The following CACNG2 variants were observed in gnomAD, a reference collection of about 807,000 sequenced individuals.
CACNG2 encodes the protein calcium voltage-gated channel auxiliary subunit gamma 2.
In CACNG2, 3 loss-of-function variants were observed where a neutral mutation model predicts 25.9. The observed-to-expected ratio is 0.12, with a 90% CI of 0.05 to 0.30. The LOEUF is 0.30. Ranked by LOEUF, CACNG2 falls within the 10% of genes least tolerant of loss-of-function variation. The pLI is 1.00. For synonymous variants in CACNG2, 167 were observed against 173.3 expected (o/e 0.96, Z 0.29); for missense variants, 341 against 432.5 (o/e 0.79, Z 1.88).
intron 1 of CACNG2, among the ~76,000 whole-genome samples, chr22:36,702,042 G>A (rs951690021): frequency 6.6e-6 from 1 of 151,978 alleles, no homozygotes; most frequent in African/African-American, 2.4e-5. Flanking sequence ...TAAATCGGAT[G>A]GTAAATCCTA....
At chr22:36,585,634 T>C (rs1935489985) in intron 2 of CACNG2, among the ~76,000 whole-genome samples, 1 of 152,210 alleles carries the variant, frequency 6.6e-6, no homozygotes. Context: ...AGAGATTGCA[T>C]GGCCCACAAA....
intron 1 of CACNG2, among the ~76,000 whole-genome samples, chr22:36,663,985 A>T (rs1936837865): frequency 6.6e-6 from 1 of 152,176 alleles, no homozygotes; most frequent in African/African-American, 2.4e-5. Context: ...TAAGGAGCAC[A>T]ACCAATAATG....
chr22:36,653,038 C>T (rs145474758), intron 1 of CACNG2, among the ~76,000 whole-genome samples: 145 of 152,180 alleles, frequency 9.5e-4, no homozygotes, highest in Admixed American at 2.4e-3. Flanking sequence ...TTTTAAAATT[C>T]GAGCCAGGTG....
intron 1 of CACNG2, among the ~76,000 whole-genome samples, chr22:36,589,850 T>A (rs1935559527): frequency 6.6e-6 from 1 of 152,220 alleles, no homozygotes; most frequent in Non-Finnish European, 1.5e-5. Flanking sequence ...GGAAAAGTCT[T>A]CATACCAGCT....
At chr22:36,569,477 G>A (rs961409590) in intron 2 of CACNG2, among the ~76,000 whole-genome samples, 43 of 152,168 alleles carry the variant, frequency 2.8e-4, no homozygotes, top group African/African-American at 8.4e-4. Context: ...TGGCTAAGGC[G>A]GGTGCTCACT....
chr22:36,617,120 C>A (rs2267348), intron 1 of CACNG2, among the ~76,000 whole-genome samples: 1 of 152,090 alleles, frequency 6.6e-6, no homozygotes, highest in African/African-American at 2.4e-5. Context: ...AGACCTTGAA[C>A]ATGACTAGGA....
chr22:36,673,684 G>A (rs1162460116), intron 1 of CACNG2, among the ~76,000 whole-genome samples: 1 of 152,132 alleles, frequency 6.6e-6, no homozygotes, highest in Admixed American at 6.5e-5. Flanking sequence ...GAGAGCCAGA[G>A]CAGAGGACCG....
chr22:36,681,447 C>T (rs1031359041), intron 1 of CACNG2, among the ~76,000 whole-genome samples: 2 of 152,172 alleles, frequency 1.3e-5, no homozygotes, highest in African/African-American at 4.8e-5. Context: ...GCACCTGGCT[C>T]TTTAGCATAA....
intron 1 of CACNG2, among the ~76,000 whole-genome samples, chr22:36,693,549 G>T (rs1023414375): frequency 1.3e-5 from 2 of 152,134 alleles, no homozygotes; most frequent in South Asian, 4.1e-4. Context: ...GATCCTACCT[G>T]GCTTCCTACC....
intron 1 of CACNG2, among the ~76,000 whole-genome samples, chr22:36,634,377 T>C (rs921485410): frequency 6.6e-6 from 1 of 152,234 alleles, no homozygotes; most frequent in African/African-American, 2.4e-5. Context: ...TCATGGTGAC[T>C]TCAGAAGCTG....
intron 2 of CACNG2, among the ~76,000 whole-genome samples, chr22:36,580,047 GA>G (rs764573588): frequency 7.2e-5 from 11 of 152,252 alleles, no homozygotes; most frequent in Non-Finnish European, 1.3e-4. Context: ...AATGCCTGCT[GA>G]ATGCTCACTG....
chr22:36,564,820 T>A lies in CACNG2; in HGVS notation c.503A>T (p.Asp168Val). ...SANAGDPSKS[D>V]SKKNSYSYGW... ...GTATGAGTAACTATTCTTTTTGGAG[T>A]CGCTCTTGGAGGGGTCTCCGGCATT... is the stretch of plus-strand genomic sequence containing the variant. Residue 168 changes from aspartate to valine, a missense_variant, in exon 4 of 4, where the codon GAC (aspartate) becomes GTC (valine). Coordinates refer to ENST00000300105, the MANE Select transcript of CACNG2 (RefSeq NM_006078.5). The surrounding 1 kb of genome is among the most constrained non-coding windows in gnomAD (Gnocchi z 6.7). 6.2e-7 allele frequency: 1 copy of A among 1,613,960 alleles called. No individual in the cohort carries two copies. Among genetic ancestry groups the A allele is most frequent in the Non-Finnish European group, 8.5e-7 (1 of 1,179,988 alleles).
rs143315775 is a variant in CACNG2 at position 36,614,220 on chromosome 22, G to A, written c.212-26672C>T. Among the ~76,000 whole-genome samples the A allele has an allele frequency of 1.3e-4, 20 of 152,182 alleles. 1 individual carries two copies. The highest frequency in any genetic ancestry group is 1.2e-3 in the East Asian group (6 of 5,188). On this transcript the variant is annotated intron_variant, in intron 1 of 3. Coordinates refer to ENST00000300105, the MANE Select transcript of CACNG2 (RefSeq NM_006078.5). The stretch of plus-strand genomic sequence containing the variant: ...TGTTGTAAGTCCCAGGACCCACCAC[G>A]CTCTCTCCTATCTCTGGACGTTTGC...
intron 2 of CACNG2, among the ~76,000 whole-genome samples, chr22:36,577,366 C>T (rs909952156): frequency 2.0e-5 from 3 of 152,022 alleles, no homozygotes; most frequent in African/African-American, 7.2e-5. Flanking sequence ...AAGAAATGAA[C>T]CGGGGCCGGG....
chr22:36,588,931 T>A (rs2145923107), intron 1 of CACNG2, among the ~76,000 whole-genome samples: 1 of 152,264 alleles, frequency 6.6e-6, no homozygotes, highest in South Asian at 2.1e-4. Context: ...TAGGGGCAGA[T>A]TCTAGTATGT....
intron 1 of CACNG2, among the ~76,000 whole-genome samples, chr22:36,652,022 C>T (rs1167406354): frequency 2.0e-5 from 3 of 152,158 alleles, no homozygotes; most frequent in Non-Finnish European, 2.9e-5. Context: ...TGCCACCATG[C>T]CCGGCTAATA....
intron 1 of CACNG2, among the ~76,000 whole-genome samples, chr22:36,617,200 A>T (rs1936035036): frequency 1.3e-5 from 2 of 152,226 alleles, no homozygotes; most frequent in South Asian, 4.1e-4. Context: ...AAGAGCACAG[A>T]CATATTTAAT....
In CACNG2 at chr22:36,564,924, G is replaced by C. The variant is rs1935101530; in HGVS notation, c.437-38C>G. 6.3e-7 allele frequency: 1 copy of C among 1,586,318 alleles called. No individual in the cohort carries two copies. The highest frequency in any genetic ancestry group is 1.3e-5 in the African/African-American group (1 of 74,720). On this transcript the variant is annotated intron_variant, in intron 3 of 3. Coordinates refer to ENST00000300105, the MANE Select transcript of CACNG2 (RefSeq NM_006078.5). The surrounding 1 kb of genome is among the most constrained non-coding windows in gnomAD (Gnocchi z 6.7). ...GGGTGGCGGGGTGGGGGATCAGAGA[G>C]AAGGACGTTAGTTTCTCAGGAAGTC...
At chr22:36,658,253 T>C (rs1321175196) in intron 1 of CACNG2, among the ~76,000 whole-genome samples, 2 of 152,176 alleles carry the variant, frequency 1.3e-5, no homozygotes. Flanking sequence ...TAGTCTTTAT[T>C]TGAAGGAAGA....
Sources: allele counts gnomAD v4.1 joint callset (sites outside exome capture counted in the v4.1 genomes callset), GRCh38; gene constraint gnomAD v4.1.1; non-coding constraint Gnocchi (gnomAD v3.1); transcripts MANE v1.5; gene names NCBI Gene and HGNC (gene_info 2026-07-23, HGNC 2026-07-21).